The following KLHDC4 variants were observed in gnomAD, a reference collection of about 807,000 sequenced individuals.
KLHDC4 encodes kelch domain-containing protein 4.
Under a neutral mutation model 62.4 loss-of-function variants are expected in KLHDC4, and 90 were observed. The ratio of observed to expected loss-of-function variants is 1.44; its 90% CI spans 1.22 to 1.72. The LOEUF (loss-of-function observed/expected upper bound fraction) is 1.72, where lower values mean the gene tolerates loss of function less well. Ranked by LOEUF, KLHDC4 falls within the 40% of genes most tolerant of loss-of-function variation. KLHDC4 has a pLI of 0.00. For missense variants in KLHDC4, 1,025 were observed against 699.7 expected (o/e 1.47, Z -5.25); for synonymous variants, 386 against 284.4 (o/e 1.36, Z -3.59).
chr16:87,708,204 C>G (rs747804779), intron 11 of KLHDC4, 129 bp from the exon 12 acceptor site: 23 of 625,020 alleles, frequency 3.7e-5, no homozygotes, highest in Non-Finnish European at 6.2e-5. Context: ...GCACACGGCA[C>G]TCATTAGCAA....
chr16:87,708,498 C>T, intron 10 of KLHDC4, 32 bp from the exon 11 acceptor site: 1 of 1,539,502 alleles, frequency 6.5e-7, no homozygotes, highest in South Asian at 1.2e-5. Flanking sequence ...ACATACACGT[C>T]AGCGCAGCTG....
At chr16:87,749,881 C>A (rs553851176) in intron 4 of KLHDC4, among the ~76,000 whole-genome samples, 3 of 152,134 alleles carry the variant, frequency 2.0e-5, no homozygotes, top group Non-Finnish European at 4.4e-5. Flanking sequence ...CCCAGCCTTA[C>A]GTGACATTAT....
chr16:87,701,236 C>T (rs1821952453), exon 1 of KLHDC4: 2 of 229,064 alleles, frequency 8.7e-6, no homozygotes, highest in Admixed American at 1.0e-4. Flanking sequence ...GAGGCGGGGG[C>T]TGGCACCTGG....
chr16:87,749,017 C>G (rs972160179), intron 4 of KLHDC4, among the ~76,000 whole-genome samples: 4 of 150,404 alleles, frequency 2.7e-5, no homozygotes, highest in African/African-American at 9.8e-5. Flanking sequence ...AGTCAAGGGT[C>G]TAATAAACCT....
chr16:87,740,690 ATC>A (rs1226189627), intron 5 of KLHDC4: 2 of 152,188 alleles, frequency 1.3e-5, no homozygotes, highest in Non-Finnish European at 2.9e-5. Flanking sequence ...AGTCACCAGC[ATC>A]TGTTTACATG....
At chr16:87,731,956 C>T (rs1302374038) in intron 5 of KLHDC4, among the ~76,000 whole-genome samples, 2 of 152,160 alleles carry the variant, frequency 1.3e-5, no homozygotes, top group African/African-American at 2.4e-5. Flanking sequence ...TCCATGCACA[C>T]GAGCGTCTTA....
chr16:87,707,820 C>T lies in KLHDC4; in HGVS notation c.*257G>A, dbSNP rs2034941133. On this transcript the variant is annotated 3_prime_UTR_variant, in exon 12 of 12. Coordinates refer to ENST00000270583, the MANE Select transcript of KLHDC4 (RefSeq NM_017566.4). ...GACACCCTCCGCGGTGGTCTTGTTT[C>T]AAGTCCAATTTATTTCACACAACAC... 5.1e-6 allele frequency: 2 copies of T among 390,858 alleles called. No individual in the cohort carries two copies. Among genetic ancestry groups the T allele is most frequent in the East Asian group, 7.3e-5 (1 of 13,670 alleles). 24.2% of individuals were successfully genotyped at this position (390,858 alleles called of 1,614,324 possible).
downstream of KLHDC4, chr16:87,703,250 G>A (rs777893765): frequency 1.3e-4 from 20 of 151,786 alleles, no homozygotes; most frequent in Non-Finnish European, 2.8e-4. Flanking sequence ...TGCAGGAATC[G>A]CGAGTGAGTT....
At chr16:87,706,927 C>A (rs888241711), downstream of KLHDC4, among the ~76,000 whole-genome samples, 1 of 152,230 alleles carries the variant, frequency 6.6e-6, no homozygotes, top group African/African-American at 2.4e-5. Context: ...CCTCTCCCAG[C>A]GGTGCTTCCA....
Position 87,756,256 on chromosome 16 carries a change from T to C in KLHDC4, c.270+143A>G, listed in dbSNP as rs1366577011. ...CAGGGCCTGGAGCATCCTGGCGACG[T>C]CTCACATCAGGCCTGACGGCTCAAG... On this transcript the variant is annotated intron_variant, in intron 3 of 11. Transcript: ENST00000270583. 3 of 612,348 alleles carry C rather than the reference T, an allele frequency of 4.9e-6. No homozygotes were observed. The Admixed American group carries it at 7.4e-5, about 15-fold the overall frequency. The allele number at this position is 612,348 out of a possible 1,614,324, so 37.9% of individuals were successfully genotyped here.
rs2035784144 is a variant in KLHDC4, at chr16:87,711,348, A to C, written c.931T>G (p.Phe311Val). ...TCCTCGTCACAGACACCCCCGAAGA[A>C]CAGTGTCTGGTGATTCGGGGCCATG... is the stretch of plus-strand genomic sequence containing the variant. ...VAMAPNHQTL[F>V]FGGVCDEEEE... The change falls in exon 9 of 12, where the codon TTC becomes GTC. Residue 311 changes from phenylalanine to valine, a missense_variant. Phe to Val is a conservative substitution (Grantham distance 50). Transcript: ENST00000270583. 2 of 1,613,890 alleles carry C rather than the reference A, an allele frequency of 1.2e-6. No homozygotes were observed. The highest frequency in any genetic ancestry group is 2.2e-5 in the South Asian group (2 of 91,086).
intron 8 of KLHDC4, among the ~76,000 whole-genome samples, chr16:87,712,583 G>C (rs565444277): frequency 1.4e-4 from 21 of 152,376 alleles, no homozygotes; most frequent in African/African-American, 4.6e-4. Context: ...CCAGGTTCAA[G>C]TTCACTGGGG....
chr16:87,762,808 A>T (rs2046081172), intron 1 of KLHDC4, among the ~76,000 whole-genome samples: 1 of 152,122 alleles, frequency 6.6e-6, no homozygotes, highest in Non-Finnish European at 1.5e-5. Context: ...AGACACTCCC[A>T]TGCACACCCG....
downstream of KLHDC4, among the ~76,000 whole-genome samples, chr16:87,706,811 C>T (rs1044832386): frequency 1.3e-5 from 2 of 152,184 alleles, no homozygotes; most frequent in African/African-American, 4.8e-5. Flanking sequence ...AGCCATCGCC[C>T]CAAGGTGACC....
chr16:87,765,264 C>T (rs1318412299), intron 1 of KLHDC4: 5 of 456,096 alleles, frequency 1.1e-5, no homozygotes, highest in South Asian at 4.6e-5. Context: ...CTACGGGATA[C>T]CCCGTGGCTC....
intron 8 of KLHDC4, among the ~76,000 whole-genome samples, chr16:87,714,200 G>C (rs2036463766): frequency 6.6e-6 from 1 of 152,190 alleles, no homozygotes; most frequent in Non-Finnish European, 1.5e-5. Flanking sequence ...GGCCCATCAG[G>C]AGCTGCTGAG....
Position 87,755,224 on chromosome 16 carries a change from G to A in KLHDC4, c.339C>T (p.Pro113=), listed in dbSNP as rs1275895626. Residue 113 remains proline, a synonymous_variant, in exon 4 of 12, where the codon CCC becomes CCT. Coordinates refer to ENST00000270583, the MANE Select transcript of KLHDC4 (RefSeq NM_017566.4). ...RKDTWTKVDI[P]SPPPRRCAHQ... is the part of the protein sequence containing the mutation. ...GAGCACAGCGCCTCGGAGGTGGACT[G>A]GGGATGTCAACTTTGGTCCAGGTGT... is the stretch of plus-strand genomic sequence containing the variant. 5 of 1,611,558 alleles carry A rather than the reference G, an allele frequency of 3.1e-6. No individual in the cohort carries two copies. Among genetic ancestry groups the A allele is most frequent in the Admixed American group, 1.7e-5 (1 of 59,998 alleles).
At chr16:87,727,601 T>G (rs2039599174) in intron 6 of KLHDC4, among the ~76,000 whole-genome samples, 1 of 152,164 alleles carries the variant, frequency 6.6e-6, no homozygotes, top group Non-Finnish European at 1.5e-5. Context: ...GCACGCAGAC[T>G]GGGCTGAACA....
chr16:87,720,235 A>G (rs58407170), intron 7 of KLHDC4, among the ~76,000 whole-genome samples: 27,898 of 152,068 alleles, frequency 0.18, 2,633 homozygotes, highest in South Asian at 0.23. Flanking sequence ...TTTGTGGGAG[A>G]AGACGGCCAG....
Sources: gnomAD v4.1 joint callset for allele counts (sites outside exome capture counted in the v4.1 genomes callset) on GRCh38, gnomAD v4.1.1 for gene constraint, MANE v1.5 for transcripts, NCBI Gene and HGNC (gene_info 2026-07-23, HGNC 2026-07-21) for gene names.